ADAMTSL3: variants seen among roughly 807,000 people sequenced by gnomAD.
ADAMTSL3 encodes the protein ADAMTS like 3.
ADAMTSL3 carries 128 observed loss-of-function variants against 201.7 expected under a neutral mutation model. The ratio of observed to expected loss-of-function variants is 0.63; its 90% confidence interval spans 0.55 to 0.73. The LOEUF (loss-of-function observed/expected upper bound fraction) is 0.73. ADAMTSL3 is among the 30% of genes least tolerant of loss of function. ADAMTSL3 has a pLI of 0.00. For missense variants in ADAMTSL3, 1,990 were observed against 2,119.6 expected, an observed-to-expected ratio of 0.94 and a Z score of 1.20; for synonymous variants, 738 against 748.4, an observed-to-expected ratio of 0.99 and a Z score of 0.23.
intron 3 of ADAMTSL3, among the ~76,000 whole-genome samples, chr15:83,762,330 T>TCTGTGGACACACTCTGATCTTAGCGTGCA (rs2062821058): frequency 6.6e-6 from 1 of 152,188 alleles, no homozygotes; most frequent in Non-Finnish European, 1.5e-5. Flanking sequence ...ATATTCTGCT[T>TCTGTGGACACACTCTGATCTTAGCGTGCA]CTGTGGACAC....
At position 83,756,297 on chromosome 15, in the gene ADAMTSL3, G is replaced by A. The variant is rs867008281; in HGVS notation, c.190-17226G>A. ...TGGGTAATTTATAAAGGAAAGAGGTGTAATTGGCTCACAGTTCCACATGTC... is the reference window on the plus strand; with the variant it reads ...TGGGTAATTTATAAAGGAAAGAGGTATAATTGGCTCACAGTTCCACATGTC... On this transcript the variant is annotated intron_variant, in intron 3 of 29. Transcript: ENST00000286744. 2.6e-5 allele frequency among the ~76,000 whole-genome samples: 4 copies of A among 152,208 alleles called. No homozygotes were observed. The South Asian group carries it at 8.3e-4, about 32-fold the overall frequency.
In ADAMTSL3 at chr15:84,037,919, A is replaced by T; in HGVS notation, c.*113A>T. ...TTTCTTAAAAGACTAGATTCTATGG[A>T]TCAAACAGAGGTTGATGCAAAAACA... On this transcript the variant is annotated 3_prime_UTR_variant, in exon 30 of 30. Transcript: ENST00000286744. 7.0e-7 allele frequency: 1 copy of T among 1,423,810 alleles called. No individual in the cohort carries two copies. The highest frequency in any genetic ancestry group is 2.5e-5 in the East Asian group (1 of 40,256). The allele number at this position is 1,423,810 out of a possible 1,614,324, so 88.2% of individuals were successfully genotyped here.
At chr15:83,807,380 C>T (rs779097325) in intron 5 of ADAMTSL3, among the ~76,000 whole-genome samples, 8 of 152,098 alleles carry the variant, frequency 5.3e-5, no homozygotes, top group Admixed American at 2.6e-4. Flanking sequence ...CACTCGAACC[C>T]GGGAGGTGGG....
intron 4 of ADAMTSL3, among the ~76,000 whole-genome samples, chr15:83,795,589 A>G (rs1318386303): frequency 6.6e-6 from 1 of 152,212 alleles, no homozygotes; most frequent in African/African-American, 2.4e-5. Context: ...ACACACCAGC[A>G]TAGGGAATTT....
chr15:83,823,900 T>TCTC, intron 6 of ADAMTSL3, among the ~76,000 whole-genome samples: 1 of 20,202 alleles, frequency 4.9e-5, no homozygotes, highest in South Asian at 2.0e-3. Flanking sequence ...TTCCTCTTCT[T>TCTC]CTTCTTCTTC....
At chr15:83,707,542 A>G (rs2061870445) in intron 3 of ADAMTSL3, among the ~76,000 whole-genome samples, 1 of 152,220 alleles carries the variant, frequency 6.6e-6, no homozygotes, top group Admixed American at 6.5e-5. Context: ...GTTGCTACCT[A>G]GATCAAGAAA....
chr15:83,810,693 A>G (rs1422205131), intron 5 of ADAMTSL3, among the ~76,000 whole-genome samples: 2 of 152,116 alleles, frequency 1.3e-5, no homozygotes, highest in Admixed American at 1.3e-4. Flanking sequence ...TTCCTTCTTC[A>G]GTCTTCAAAG....
intron 17 of ADAMTSL3, among the ~76,000 whole-genome samples, chr15:83,924,397 A>T (rs568322939): frequency 1.3e-5 from 2 of 152,300 alleles, no homozygotes; most frequent in South Asian, 4.1e-4. Flanking sequence ...TTTGCATTAG[A>T]GTTAACATTG....
chr15:83,932,348 A>C (rs1250995584), intron 17 of ADAMTSL3, among the ~76,000 whole-genome samples: 1 of 152,208 alleles, frequency 6.6e-6, no homozygotes, highest in Non-Finnish European at 1.5e-5. Flanking sequence ...AAATCCTCAG[A>C]AGACAAAAAC....
intron 27 of ADAMTSL3, among the ~76,000 whole-genome samples, chr15:84,029,251 A>G (rs2068360351): frequency 1.3e-5 from 2 of 152,162 alleles, no homozygotes; most frequent in African/African-American, 4.8e-5. Context: ...CTTCCTAGAG[A>G]TCTGTTGAAG....
At chr15:83,829,223 A>T (rs2141952150) in intron 6 of ADAMTSL3, among the ~76,000 whole-genome samples, 1 of 152,326 alleles carries the variant, frequency 6.6e-6, no homozygotes, top group East Asian at 1.9e-4. Flanking sequence ...TGGTCTATTC[A>T]GAGATTCAAC....
Position 83,704,505 on chromosome 15 carries a change from C to T in ADAMTSL3, c.186C>T (p.Asp62=). The stretch of plus-strand genomic sequence containing the variant: ...AGTTCCTCACTTATCGCTATGATGA[C>T]CAGGTAAGAACATTGGACAAGGATC... ...GEQFLTYRYD[D]QTSRNTRSDE... The change falls in exon 3 of 30, where the codon GAC becomes GAT. Residue 62 remains aspartate, a synonymous_variant. Coordinates refer to ENST00000286744, the MANE Select transcript of ADAMTSL3 (RefSeq NM_207517.3). The T allele has an allele frequency of 1.2e-6, 2 of 1,614,160 alleles. No homozygotes were observed. Among genetic ancestry groups the T allele is most frequent in the Non-Finnish European group, 8.5e-7 (1 of 1,180,002 alleles).
At chr15:83,858,998 C>T (rs929999912) in intron 8 of ADAMTSL3, among the ~76,000 whole-genome samples, 158 bp downstream of exon 8, 2 of 152,172 alleles carry the variant, frequency 1.3e-5, no homozygotes, top group Non-Finnish European at 2.9e-5. Context: ...TTACTTGGCA[C>T]AGCAAAGCTA....
At chr15:83,821,891 C>T (rs904270944) in intron 6 of ADAMTSL3, among the ~76,000 whole-genome samples, 4 of 148,624 alleles carry the variant, frequency 2.7e-5, no homozygotes, top group Admixed American at 6.6e-5. Flanking sequence ...CCAACTCCCT[C>T]CCGGATGGGG....
intron 21 of ADAMTSL3, among the ~76,000 whole-genome samples, chr15:83,987,310 T>G (rs1392385376): frequency 6.6e-6 from 1 of 152,244 alleles, no homozygotes; most frequent in Non-Finnish European, 1.5e-5. Context: ...GCAGCAGGGC[T>G]TGTATGCTCT....
chr15:83,816,846 A>C (rs975134961), intron 5 of ADAMTSL3, among the ~76,000 whole-genome samples: 1 of 152,192 alleles, frequency 6.6e-6, no homozygotes, highest in African/African-American at 2.4e-5. Flanking sequence ...TCTACAAAAA[A>C]TTAGCTGGAT....
At chr15:83,662,760 C>T (rs2061192513) in intron 2 of ADAMTSL3, among the ~76,000 whole-genome samples, 1 of 152,036 alleles carries the variant, frequency 6.6e-6, no homozygotes, top group Non-Finnish European at 1.5e-5. Flanking sequence ...GTGGTGGGCA[C>T]TGGTTCTGAG....
intron 2 of ADAMTSL3, among the ~76,000 whole-genome samples, chr15:83,677,445 T>A (rs531124766): frequency 9.5e-4 from 145 of 152,180 alleles, no homozygotes; most frequent in Non-Finnish European, 1.6e-3. Flanking sequence ...TCAAATATTT[T>A]GAAACTTTGT....
In ADAMTSL3 at chr15:83,818,518, G is replaced by A. The variant is rs139693199; in HGVS notation, c.364-1293G>A. ...ATTCTTGTATTTTTCACAGAGACGG[G>A]GTTTCACCATTTTGGCCAGGCTGGT... On this transcript the variant is annotated intron_variant, in intron 5 of 29. Coordinates refer to ENST00000286744, the MANE Select transcript of ADAMTSL3 (RefSeq NM_207517.3). Among the ~76,000 whole-genome samples the A allele has an allele frequency of 5.2e-3, 792 of 152,178 alleles. 8 individuals carry two copies. The highest frequency in any genetic ancestry group is 0.018 in the African/African-American group (767 of 41,518).
Sources: gnomAD v4.1 joint callset for allele counts (sites outside exome capture counted in the v4.1 genomes callset) on GRCh38, gnomAD v4.1.1 for gene constraint, MANE v1.5 for transcripts, NCBI Gene and HGNC (gene_info 2026-07-23, HGNC 2026-07-21) for gene names.